Variants in ACTL6A observed in about 807,000 individuals in gnomAD.
The protein encoded by ACTL6A is actin like 6A, also known as actin-like protein 6A.
In ACTL6A, 5 loss-of-function variants were observed where a neutral mutation model predicts 59.2. That is an observed-to-expected ratio of 0.08 (90% CI 0.04 to 0.18). The LOEUF is 0.18. Among genes scored for constraint, ACTL6A ranks in the 10% least tolerant of loss-of-function variants. The pLI is 1.00. For synonymous variants in ACTL6A, 154 were observed against 171.8 expected (o/e 0.90, Z 0.81); for missense variants, 285 against 526.9 (o/e 0.54, Z 4.49).
chr3:179,586,729 C>A, intron 13 of ACTL6A, 97 bp downstream of exon 13: 1 of 991,098 alleles, frequency 1.0e-6, no homozygotes, highest in South Asian at 1.6e-5. Context: ...TTTGTCTGTG[C>A]ATTTTATAAC....
rs949079172 is a variant in ACTL6A, at chr3:179,563,027, C to T, written c.-66C>T. On this transcript the variant is annotated 5_prime_UTR_variant, in exon 1 of 14. Coordinates refer to ENST00000429709, the MANE Select transcript of ACTL6A (RefSeq NM_004301.5). ...AGGGGCTATCGCTCCTCGAGACTCG[C>T]AGTCGCGGCCACTGCAGTCACTTCG... 153 of 1,589,330 alleles carry T rather than the reference C, an allele frequency of 9.6e-5. No individual in the cohort carries two copies. Among genetic ancestry groups the T allele is most frequent in the Non-Finnish European group, 1.2e-4 (146 of 1,169,406 alleles).
chr3:179,564,707 G>A (rs1289226675), intron 1 of ACTL6A, among the ~76,000 whole-genome samples: 1 of 152,108 alleles, frequency 6.6e-6, no homozygotes, highest in Non-Finnish European at 1.5e-5. Context: ...CTGATATGTT[G>A]GATTTTTTCT....
rs1189274582 is a variant in ACTL6A at position 179,586,478 on chromosome 3, A to AG, written c.1123-68_1123-67insG. 4.3e-4 allele frequency: 510 copies of AG among 1,198,014 alleles called. 1 individual carries two copies. Among genetic ancestry groups the AG allele is most frequent in the East Asian group, 1.3e-3 (43 of 34,276 alleles). The allele number at this position is 1,198,014 out of a possible 1,614,324, so 74.2% of individuals were successfully genotyped here. A position where few individuals can be genotyped will look rare whatever the true frequency, so the allele number is the denominator to read the frequency against. ...CCCTGTCTCTATTTGAAAAAAAAAA[A>AG]AAAAAAAAGAATTTTCTAAGTTGAG... is the stretch of plus-strand genomic sequence containing the variant. On this transcript the variant is annotated intron_variant, in intron 12 of 13. Coordinates refer to ENST00000429709, the MANE Select transcript of ACTL6A (RefSeq NM_004301.5).
intron 5 of ACTL6A, among the ~76,000 whole-genome samples, chr3:179,575,754 T>A (rs182026058): frequency 2.1e-4 from 32 of 152,374 alleles, no homozygotes; most frequent in African/African-American, 7.5e-4. Flanking sequence ...AGATAGGAAC[T>A]GCCATATGGC....
chr3:179,564,507 C>G (rs969478647), intron 1 of ACTL6A, among the ~76,000 whole-genome samples: 1 of 152,174 alleles, frequency 6.6e-6, no homozygotes, highest in African/African-American at 2.4e-5. Context: ...TTCTATTAAG[C>G]CTCCTGCCTC....
At chr3:179,580,190 C>T (rs981331691) in intron 8 of ACTL6A, among the ~76,000 whole-genome samples, 26 of 152,122 alleles carry the variant, frequency 1.7e-4, no homozygotes, top group African/African-American at 5.6e-4. Flanking sequence ...TTCTAGAGGT[C>T]GTGTTAGTTC....
chr3:179,582,940 C>G (rs1576858181), intron 11 of ACTL6A, among the ~76,000 whole-genome samples: 1 of 152,146 alleles, frequency 6.6e-6, no homozygotes, highest in East Asian at 1.9e-4. Flanking sequence ...ACCATGCCTG[C>G]CAGGTACAGT....
Position 179,580,597 on chromosome 3 carries a change from A to G in ACTL6A, c.769-43A>G, listed in dbSNP as rs779215644. On this transcript the variant is annotated intron_variant, in intron 8 of 13. Coordinates refer to ENST00000429709, the MANE Select transcript of ACTL6A (RefSeq NM_004301.5). ...TGTTATAAAAGTATAGATTACAAAGATAAATCTCAACCTTGTTTGTTACTT... is the reference window on the plus strand; with the variant it reads ...TGTTATAAAAGTATAGATTACAAAGGTAAATCTCAACCTTGTTTGTTACTT... The G allele has an allele frequency of 2.3e-5, 31 of 1,363,694 alleles. No individual in the cohort carries two copies. The Middle Eastern group carries it at 5.5e-4, about 24-fold the overall frequency. 84.5% of individuals were successfully genotyped at this position (1,363,694 alleles called of 1,614,324 possible). A position where few individuals can be genotyped will look rare whatever the true frequency, so the allele number is the denominator to read the frequency against.
At chr3:179,574,903 C>T (rs1422737991) in intron 5 of ACTL6A, 1 of 177,386 alleles carries the variant, frequency 5.6e-6, no homozygotes, top group East Asian at 1.6e-4. Context: ...TTCTCTCTGT[C>T]CTACTGCCAC....
At position 179,588,150 on chromosome 3, in the gene ACTL6A, CT is replaced by C; in HGVS notation, c.*143del. The C allele has an allele frequency of 3.6e-6, 2 of 548,816 alleles. No homozygotes were observed. Among genetic ancestry groups the C allele is most frequent in the Non-Finnish European group, 6.1e-6 (2 of 328,570 alleles). 34.0% of individuals were successfully genotyped at this position (548,816 alleles called of 1,614,324 possible). On this transcript the variant is annotated 3_prime_UTR_variant, in exon 14 of 14. Coordinates refer to ENST00000429709, the MANE Select transcript of ACTL6A (RefSeq NM_004301.5). ...CAATTTCCACTTAAATTTTTTAAAG[CT>C]TTAACTGGCTCTATAAATTAAGTTT...
intron 3 of ACTL6A, among the ~76,000 whole-genome samples, chr3:179,571,922 C>T (rs1189488707): frequency 6.6e-6 from 1 of 152,188 alleles, no homozygotes; most frequent in Non-Finnish European, 1.5e-5. Context: ...GTCATGTTTC[C>T]AGACACCAGC....
intron 1 of ACTL6A, among the ~76,000 whole-genome samples, chr3:179,566,555 G>A (rs1717839986): frequency 6.6e-6 from 1 of 152,190 alleles, no homozygotes; most frequent in African/African-American, 2.4e-5. Context: ...GAGGATAGAG[G>A]TAGATCTAAG....
At chr3:179,587,844 G>A in intron 13 of ACTL6A, 86 bp from the exon 14 acceptor site, 1 of 987,942 alleles carries the variant, frequency 1.0e-6, no homozygotes, top group Non-Finnish European at 1.5e-6. Flanking sequence ...GACAGAGCAA[G>A]ACCTTCTCTC....
intron 1 of ACTL6A, among the ~76,000 whole-genome samples, chr3:179,565,009 C>T (rs1250644970): frequency 2.0e-5 from 3 of 151,356 alleles, no homozygotes; most frequent in East Asian, 3.9e-4. Context: ...CAGAATATGT[C>T]TTAACAGTGC....
chr3:179,581,284 C>A, intron 11 of ACTL6A, 64 bp downstream of exon 11: 1 of 1,307,408 alleles, frequency 7.6e-7, no homozygotes, highest in Non-Finnish European at 1.1e-6. Context: ...GTCCCCAAAT[C>A]ATTGTTAGGT....
At chr3:179,565,203 G>A (rs1158678108) in intron 1 of ACTL6A, among the ~76,000 whole-genome samples, 2 of 151,934 alleles carry the variant, frequency 1.3e-5, no homozygotes, top group African/African-American at 4.8e-5. Context: ...TTGGGAGGCC[G>A]AGGCGGGCGG....
At chr3:179,569,566 G>A (rs758716835) in intron 1 of ACTL6A, among the ~76,000 whole-genome samples, 11 of 152,174 alleles carry the variant, frequency 7.2e-5, no homozygotes, top group Non-Finnish European at 1.5e-4. Flanking sequence ...ATTGGGCTGA[G>A]TGCAGTGGCT....
chr3:179,575,988 C>G (rs1371483159), intron 5 of ACTL6A, among the ~76,000 whole-genome samples: 1 of 152,100 alleles, frequency 6.6e-6, no homozygotes, highest in African/African-American at 2.4e-5. Context: ...TAAAGGTTTC[C>G]CTGAGTGCCT....
At chr3:179,568,439 T>TA (rs1406958600) in intron 1 of ACTL6A, among the ~76,000 whole-genome samples, 1 of 152,082 alleles carries the variant, frequency 6.6e-6, no homozygotes, top group Admixed American at 6.6e-5. Flanking sequence ...ATGTTATTGA[T>TA]ACAGATTTCC....
Sources: gnomAD v4.1 joint callset for allele counts (sites outside exome capture counted in the v4.1 genomes callset) on GRCh38, gnomAD v4.1.1 for gene constraint, MANE v1.5 for transcripts, NCBI Gene and HGNC (gene_info 2026-07-23, HGNC 2026-07-21) for gene names.